The following RBM33 variants were observed in gnomAD, a reference collection of about 807,000 sequenced individuals.
The protein encoded by RBM33 is RNA binding motif protein 33, also known as RNA-binding protein 33.
In RBM33, 28 loss-of-function variants were observed where a neutral mutation model predicts 132.6. The observed-to-expected ratio is 0.21, with a 90% CI of 0.16 to 0.29. The LOEUF (loss-of-function observed/expected upper bound fraction) is 0.29, where lower values mean the gene tolerates loss of function less well. Among genes scored for constraint, RBM33 ranks in the 10% least tolerant of loss-of-function variants. The pLI is 1.00. For synonymous variants in RBM33, 634 were observed against 593.0 expected (o/e 1.07, Z -1.01); for missense variants, 1,291 against 1,518.5 (o/e 0.85, Z 2.49).
intron 7 of RBM33, among the ~76,000 whole-genome samples, chr7:155,709,777 G>A (rs770788580): frequency 3.3e-5 from 5 of 152,220 alleles, no homozygotes; most frequent in African/African-American, 4.8e-5. Context: ...GATGTGATGA[G>A]TTAAGGAGGG....
At chr7:155,673,685 T>TACAC (rs1563137804) in intron 3 of RBM33, among the ~76,000 whole-genome samples, 1 of 135,370 alleles carries the variant, frequency 7.4e-6, no homozygotes, top group African/African-American at 3.1e-5. Flanking sequence ...CGTGTATATA[T>TACAC]ATACACACAT....
intron 3 of RBM33, among the ~76,000 whole-genome samples, chr7:155,673,695 TATATAC>T (rs1232479004): frequency 8.0e-6 from 1 of 125,414 alleles, no homozygotes; most frequent in African/African-American, 3.8e-5. Flanking sequence ...TATACACACA[TATATAC>T]ATACACACGT....
intron 14 of RBM33, among the ~76,000 whole-genome samples, chr7:155,751,083 T>A (rs1801673754): frequency 6.6e-6 from 1 of 152,216 alleles, no homozygotes; most frequent in Non-Finnish European, 1.5e-5. Flanking sequence ...ACTCCCACTT[T>A]TGGAATGATA....
Position 155,745,111 on chromosome 7 carries a change from C to T in RBM33, c.2488C>T (p.Gln830Ter). The T allele has an allele frequency of 6.3e-7, 1 of 1,598,890 alleles. No homozygotes were observed. The highest frequency in any genetic ancestry group is 8.5e-7 in the Non-Finnish European group (1 of 1,172,342). Residue 830 changes from glutamine (Q) to a stop codon, truncating the protein, a stop_gained, in exon 14 of 18, where the codon CAA becomes TAA. Coordinates refer to ENST00000401878, the MANE Select transcript of RBM33 (RefSeq NM_053043.3). LOFTEE classifies it high-confidence loss of function. The surrounding 1 kb of genome is among the most constrained non-coding windows in gnomAD (Gnocchi z 4.1). The stretch of plus-strand genomic sequence containing the variant: ...GGAGCTGCTGGAGAGACTCGCGCAG[C>T]AACAGCAGCAGCTGTACGCTCCCCC... ...KKELLERLAQ[Q>*]QQQLYAPPPP...
chr7:155,716,221 T>A (rs1459699801), intron 8 of RBM33, among the ~76,000 whole-genome samples: 1 of 151,950 alleles, frequency 6.6e-6, no homozygotes, highest in Admixed American at 6.6e-5. Flanking sequence ...TGAGGTGGCA[T>A]CTCTTGGGTG....
intron 1 of RBM33, among the ~76,000 whole-genome samples, chr7:155,661,323 G>C (rs1439472742): frequency 6.7e-6 from 1 of 150,214 alleles, no homozygotes. Flanking sequence ...ATTTTTAGTA[G>C]AGACAGGTTT....
At chr7:155,734,697 C>T (rs1344183050) in intron 9 of RBM33, among the ~76,000 whole-genome samples, 1 of 151,978 alleles carries the variant, frequency 6.6e-6, no homozygotes, top group East Asian at 1.9e-4. Context: ...CCGTGTGCCT[C>T]CTCCCCCGAA....
At chr7:155,693,661 A>C (rs1799710359) in intron 5 of RBM33, among the ~76,000 whole-genome samples, 1 of 149,784 alleles carries the variant, frequency 6.7e-6, no homozygotes, top group South Asian at 2.1e-4. Context: ...TGATCTTAGG[A>C]CTTTCAGTTG....
chr7:155,727,184 C>A (rs1010040678), intron 9 of RBM33, among the ~76,000 whole-genome samples: 2 of 152,178 alleles, frequency 1.3e-5, no homozygotes, highest in African/African-American at 4.8e-5. Context: ...TCACCTAATG[C>A]ATTTGTCTGT....
intron 9 of RBM33, among the ~76,000 whole-genome samples, chr7:155,734,960 A>G: frequency 6.6e-6 from 1 of 152,172 alleles, no homozygotes; most frequent in East Asian, 1.9e-4. Context: ...AAAGTTTTGA[A>G]GATTATTTTA....
chr7:155,673,940 G>GTTGTTGTTTGTTTGTTTTTTTTTTTTTTT, intron 3 of RBM33, among the ~76,000 whole-genome samples: 5 of 54,214 alleles, frequency 9.2e-5, no homozygotes, highest in East Asian at 6.7e-4. Flanking sequence ...TTTAGGCTTA[G>GTTGTTGTTTGTTTGTTTTTTTTTTTTTTT]TTTTTTTTTT....
rs113683345 is a variant in RBM33 at position 155,660,050 on chromosome 7, G to A, written c.44-5125G>A. Among the ~76,000 whole-genome samples, 650 of 152,254 alleles carry A rather than the reference G, an allele frequency of 4.3e-3. 9 individuals carry two copies. Among genetic ancestry groups the A allele is most frequent in the African/African-American group, 0.015 (624 of 41,538 alleles). On this transcript the variant is annotated intron_variant, in intron 1 of 17. Transcript: ENST00000401878. ...TTTAATATCCAGTGTGATCTCATCC[G>A]AACTTGATTATATCTGTAAATAGCT...
At chr7:155,717,212 G>A (rs1800487243) in intron 8 of RBM33, among the ~76,000 whole-genome samples, 1 of 152,182 alleles carries the variant, frequency 6.6e-6, no homozygotes, top group African/African-American at 2.4e-5. Flanking sequence ...CAAATAGGGT[G>A]AGTTAAACAA....
chr7:155,644,892 G>A lies in RBM33; in HGVS notation c.16G>A (p.Gly6Arg). The A allele has an allele frequency of 6.7e-7, 1 of 1,498,832 alleles. No homozygotes were observed. The highest frequency in any genetic ancestry group is 8.8e-7 in the Non-Finnish European group (1 of 1,130,306). 92.8% of individuals were successfully genotyped at this position (1,498,832 alleles called of 1,614,324 possible). Residue 6 changes from glycine (G) to arginine (R), a missense_variant, in exon 1 of 18, where the codon GGA becomes AGA. Transcript: ENST00000401878. MAAAL[G>R]ASGGAGAGDD... ...CGCGAGTGCCATGGCGGCCGCCCTG[G>A]GAGCGAGCGGAGGAGCAGGCGCCGG...
chr7:155,762,395 C>T (rs1032705608), intron 14 of RBM33, among the ~76,000 whole-genome samples: 1 of 152,206 alleles, frequency 6.6e-6, no homozygotes, highest in Non-Finnish European at 1.5e-5. Flanking sequence ...CTGCACTGTC[C>T]TCACAGCTCA....
In RBM33 at chr7:155,706,976, C is replaced by T. The variant is rs372786360; in HGVS notation, c.856C>T (p.Arg286Cys). The T allele has an allele frequency of 1.8e-5, 29 of 1,597,412 alleles. No individual in the cohort carries two copies. The highest frequency in any genetic ancestry group is 2.3e-5 in the East Asian group (1 of 44,398). Reference sequence around the variant, plus strand: ...ACGGCGAGGAGGTCCGCTGATGTGTCGTGGTGTGGGGGACCAGAGGAGAGA... The same window carrying T: ...ACGGCGAGGAGGTCCGCTGATGTGTTGTGGTGTGGGGGACCAGAGGAGAGA... ...GGRRGGPLMC[R>C]GVGDQRREST... The change falls in exon 7 of 18, where the codon CGT becomes TGT. Residue 286 changes from arginine (R) to cysteine (C), a missense_variant. Coordinates refer to ENST00000401878, the MANE Select transcript of RBM33 (RefSeq NM_053043.3).
In RBM33 at chr7:155,672,868, G is replaced by A; in HGVS notation, c.124G>A (p.Glu42Lys). Residue 42 changes from glutamate (E) to lysine (K), a missense_variant and splice_region_variant, in exon 3 of 18, where the codon GAA (glutamate) becomes AAA (lysine). Coordinates refer to ENST00000401878, the MANE Select transcript of RBM33 (RefSeq NM_053043.3). ...RRAADEDWDS[E>K]LEDDLLGEDL... is the part of the protein sequence containing the mutation. ...CATGTCTCTTTTTTTTCTCCCAAGT[G>A]AACTTGAAGATGATTTACTTGGAGA... 1.3e-6 allele frequency: 2 copies of A among 1,545,498 alleles called. No homozygotes were observed. The highest frequency in any genetic ancestry group is 1.7e-6 in the Non-Finnish European group (2 of 1,143,326).
intron 5 of RBM33, among the ~76,000 whole-genome samples, chr7:155,687,832 G>T (rs74747806): frequency 0.67 from 102,265 of 151,520 alleles, 34,871 homozygotes; most frequent in South Asian, 0.77. Context: ...TCCATTTGTC[G>T]GTATCTCTGT....
At chr7:155,700,545 CCT>C (rs1799927093) in intron 5 of RBM33, among the ~76,000 whole-genome samples, 1 of 82,800 alleles carries the variant, frequency 1.2e-5, no homozygotes, top group African/African-American at 4.3e-5. Context: ...AAGAATTTGA[CCT>C]TTTTTTTTTT....
Sources: allele counts gnomAD v4.1 joint callset (sites outside exome capture counted in the v4.1 genomes callset), GRCh38; gene constraint gnomAD v4.1.1; non-coding constraint Gnocchi (gnomAD v3.1); transcripts MANE v1.5; gene names NCBI Gene and HGNC (gene_info 2026-07-23, HGNC 2026-07-21).